FOXP1: variants seen among roughly 807,000 people sequenced by gnomAD.
The protein encoded by FOXP1 is forkhead box P1.
FOXP1 carries 15 observed loss-of-function variants against 98.2 expected under a neutral mutation model. The observed-to-expected ratio is 0.15, with a 90% CI of 0.10 to 0.24. The LOEUF is 0.24. Ranked by LOEUF, FOXP1 falls within the 10% of genes least tolerant of loss-of-function variation. The pLI, the probability that FOXP1 is intolerant of heterozygous loss-of-function variation, is 1.00. For synonymous variants in FOXP1, 371 were observed against 314.5 expected, an observed-to-expected ratio of 1.18 and a Z score of -1.90; for missense variants, 633 against 848.5, an observed-to-expected ratio of 0.75 and a Z score of 3.15.
intron 3 of FOXP1, among the ~76,000 whole-genome samples, chr3:71,391,397 C>T (rs1451054298): frequency 6.6e-6 from 1 of 152,230 alleles, no homozygotes; most frequent in Non-Finnish European, 1.5e-5. Flanking sequence ...AATTTGCCTA[C>T]TGTTCCCCCA....
At chr3:71,236,962 G>A (rs1212034953) in intron 5 of FOXP1, among the ~76,000 whole-genome samples, 6 of 151,172 alleles carry the variant, frequency 4.0e-5, no homozygotes, top group South Asian at 2.1e-4. Flanking sequence ...GGCCAGGTGC[G>A]GTGGCTCATG....
chr3:71,328,539 G>A (rs1431246659), intron 4 of FOXP1, among the ~76,000 whole-genome samples: 1 of 152,200 alleles, frequency 6.6e-6, no homozygotes, highest in Non-Finnish European at 1.5e-5. Context: ...TGACTTTTCT[G>A]GGCTTCCTTC....
intron 3 of FOXP1, among the ~76,000 whole-genome samples, chr3:71,455,021 T>G (rs542855796): frequency 1.3e-5 from 2 of 152,310 alleles, no homozygotes; most frequent in East Asian, 1.9e-4. Flanking sequence ...TCAAAAACCA[T>G]GTCATAGCTT....
intron 6 of FOXP1, among the ~76,000 whole-genome samples, chr3:71,183,251 T>G (rs888954226): frequency 3.9e-5 from 6 of 152,062 alleles, no homozygotes; most frequent in African/African-American, 1.4e-4. Context: ...CCCAGCACTT[T>G]GGGAGGCCGA....
At chr3:71,053,856 G>C (rs1346230557) in intron 7 of FOXP1, 83 bp from the exon 8 acceptor site, 1 of 1,512,818 alleles carries the variant, frequency 6.6e-7, no homozygotes, top group Admixed American at 1.7e-5. Context: ...ACTGCCATCA[G>C]CCTGCTTAAA....
intron 3 of FOXP1, among the ~76,000 whole-genome samples, chr3:71,398,640 T>A (rs1365559595): frequency 6.6e-6 from 1 of 152,100 alleles, no homozygotes; most frequent in African/African-American, 2.4e-5. Flanking sequence ...TTCACATCAC[T>A]CAATTGTGCC....
chr3:71,576,244 A>G (rs1182976506), intron 2 of FOXP1, among the ~76,000 whole-genome samples: 2 of 152,250 alleles, frequency 1.3e-5, no homozygotes, highest in Non-Finnish European at 2.9e-5. Flanking sequence ...TTGAGGAAAT[A>G]CACTCATCAC....
At chr3:71,223,732 G>A (rs2065603443) in intron 5 of FOXP1, among the ~76,000 whole-genome samples, 1 of 150,050 alleles carries the variant, frequency 6.7e-6, no homozygotes, top group African/African-American at 2.5e-5. Context: ...TCATTCTAAA[G>A]TACTCGAGAT....
chr3:70,962,078 C>T (rs1021496663), intron 20 of FOXP1, among the ~76,000 whole-genome samples: 3 of 152,098 alleles, frequency 2.0e-5, no homozygotes, highest in African/African-American at 7.2e-5. Flanking sequence ...TAGTTAAGGC[C>T]AGTTTTCTTA....
chr3:71,382,678 A>C (rs1207664281), intron 3 of FOXP1, among the ~76,000 whole-genome samples: 2 of 152,234 alleles, frequency 1.3e-5, no homozygotes, highest in Non-Finnish European at 2.9e-5. Flanking sequence ...CAACACCATG[A>C]AAAGCAGAGC....
chr3:71,234,433 G>C (rs1037509581), intron 5 of FOXP1, among the ~76,000 whole-genome samples: 15 of 152,188 alleles, frequency 9.9e-5, no homozygotes, highest in African/African-American at 3.4e-4. Context: ...CCTTGCAAAA[G>C]AACTGACAAT....
At chr3:71,068,821 G>C (rs946299850) in intron 7 of FOXP1, among the ~76,000 whole-genome samples, 4 of 152,166 alleles carry the variant, frequency 2.6e-5, no homozygotes, top group African/African-American at 9.7e-5. Context: ...GCCTACTCAG[G>C]AAAGCGCGCC....
intron 3 of FOXP1, among the ~76,000 whole-genome samples, chr3:71,431,196 T>A (rs916678387): frequency 6.6e-6 from 1 of 151,822 alleles, no homozygotes; most frequent in Non-Finnish European, 1.5e-5. Context: ...TCTTGAGGAG[T>A]ATCACAAATC....
chr3:71,439,584 A>T (rs2085711955), intron 3 of FOXP1, among the ~76,000 whole-genome samples: 1 of 152,192 alleles, frequency 6.6e-6, no homozygotes. Flanking sequence ...GTGGCAATCC[A>T]AGTGTCCAGC....
At chr3:71,335,925 G>A (rs902283038) in intron 4 of FOXP1, among the ~76,000 whole-genome samples, 3 of 151,058 alleles carry the variant, frequency 2.0e-5, no homozygotes, top group Admixed American at 6.6e-5. Context: ...GACTCAGGCG[G>A]GGGTGGAGGC....
At chr3:71,144,370 C>CCTTTG (rs1172321908) in intron 6 of FOXP1, among the ~76,000 whole-genome samples, 7 of 152,272 alleles carry the variant, frequency 4.6e-5, no homozygotes, top group Non-Finnish European at 7.3e-5. Flanking sequence ...AGCCAAAGAA[C>CCTTTG]CAGGCAATGA....
At chr3:71,315,439 G>C (rs181951004) in intron 4 of FOXP1, among the ~76,000 whole-genome samples, 155 of 152,212 alleles carry the variant, frequency 1.0e-3, no homozygotes, top group Admixed American at 2.0e-4. Context: ...GAACAGATTT[G>C]GGATAAACTG....
At chr3:71,333,920 AAG>A (rs2107739713) in intron 4 of FOXP1, 1 of 152,324 alleles carries the variant, frequency 6.6e-6, no homozygotes, top group East Asian at 1.9e-4. Flanking sequence ...ACTTGAAAAA[AAG>A]AAAAATCATT....
intron 5 of FOXP1, among the ~76,000 whole-genome samples, chr3:71,216,845 G>T (rs1333269822): frequency 6.6e-6 from 1 of 152,026 alleles, no homozygotes; most frequent in East Asian, 1.9e-4. Flanking sequence ...CCCCCACCAG[G>T]GGACATTTGG....
Sources: gnomAD v4.1 joint callset for allele counts (sites outside exome capture counted in the v4.1 genomes callset) on GRCh38, gnomAD v4.1.1 for gene constraint, MANE v1.5 for transcripts, NCBI Gene and HGNC (gene_info 2026-07-23, HGNC 2026-07-21) for gene names.